Variants in SCUBE1 observed in about 807,000 individuals in gnomAD.
The protein encoded by SCUBE1 is signal peptide, CUB domain and EGF like domain containing 1.
SCUBE1 carries 59 observed loss-of-function variants against 124.4 expected under a neutral mutation model. The observed-to-expected ratio is 0.47, with a 90% confidence interval of 0.38 to 0.59. SCUBE1 has a LOEUF of 0.59. Among genes scored for constraint, SCUBE1 ranks in the 20% least tolerant of loss-of-function variants. SCUBE1 has a pLI of 0.00. For synonymous variants in SCUBE1, 545 were observed against 550.9 expected, an observed-to-expected ratio of 0.99 and a Z score of 0.15; for missense variants, 1,150 against 1,371.2, an observed-to-expected ratio of 0.84 and a Z score of 2.55.
At chr22:43,291,559 GGTGGGCCCCCATCGCGCTGCA>G (rs1925360351) in intron 3 of SCUBE1, among the ~76,000 whole-genome samples, 3 of 151,766 alleles carry the variant, frequency 2.0e-5, no homozygotes, top group South Asian at 2.1e-4. Flanking sequence ...ACAGTGGCAC[GGTGGGCCCCCATCGCGCTGCA>G]CTACAGTGGT....
intron 15 of SCUBE1, among the ~76,000 whole-genome samples, chr22:43,216,075 C>A (rs1921797087): frequency 6.6e-6 from 1 of 151,954 alleles, no homozygotes; most frequent in African/African-American, 2.4e-5. Flanking sequence ...GGGATGGAGT[C>A]TCGCTCTGTC....
At chr22:43,342,532 G>A (rs1927356814) in intron 1 of SCUBE1, among the ~76,000 whole-genome samples, 1 of 149,598 alleles carries the variant, frequency 6.7e-6, no homozygotes, top group African/African-American at 2.5e-5. Flanking sequence ...TTTCTGCGGC[G>A]TCCATCTGTC....
chr22:43,338,440 C>T (rs771169965), intron 2 of SCUBE1, among the ~76,000 whole-genome samples: 11 of 152,188 alleles, frequency 7.2e-5, no homozygotes, highest in Admixed American at 5.2e-4. Context: ...GGGGCAAGCC[C>T]AGGTCTTTGC....
At chr22:43,262,304 A>G (rs1452293917) in intron 5 of SCUBE1, among the ~76,000 whole-genome samples, 1 of 152,144 alleles carries the variant, frequency 6.6e-6, no homozygotes, top group East Asian at 1.9e-4. Context: ...GTCCCGGAAA[A>G]AAGGTCAGCA....
chr22:43,215,860 G>A (rs530425512), intron 15 of SCUBE1, among the ~76,000 whole-genome samples: 13 of 152,224 alleles, frequency 8.5e-5, no homozygotes, highest in Middle Eastern at 6.8e-3. Context: ...AATGGGGTGG[G>A]TGTGTGGGTT....
At chr22:43,290,927 T>C (rs1268290228) in intron 4 of SCUBE1, 119 bp downstream of exon 4, 2 of 1,167,258 alleles carry the variant, frequency 1.7e-6, no homozygotes, top group African/African-American at 3.1e-5. Context: ...TCATTCAGAC[T>C]ACCACCAAAA....
At chr22:43,333,937 G>A (rs1207975310) in intron 2 of SCUBE1, among the ~76,000 whole-genome samples, 1 of 152,216 alleles carries the variant, frequency 6.6e-6, no homozygotes, top group African/African-American at 2.4e-5. Flanking sequence ...CACTCAACAT[G>A]GTGGTGAAGA....
chr22:43,232,715 C>T (rs1922605694), intron 7 of SCUBE1, among the ~76,000 whole-genome samples: 2 of 152,216 alleles, frequency 1.3e-5, no homozygotes, highest in African/African-American at 2.4e-5. Context: ...TGCTTGCACA[C>T]CTCCAGGGAC....
intron 3 of SCUBE1, among the ~76,000 whole-genome samples, chr22:43,306,015 T>G (rs1362582072): frequency 6.6e-6 from 1 of 152,170 alleles, no homozygotes; most frequent in South Asian, 2.1e-4. Flanking sequence ...TAATGGCCAC[T>G]ATAAACAGCT....
intron 4 of SCUBE1, among the ~76,000 whole-genome samples, chr22:43,274,486 G>A (rs969235214): frequency 6.6e-6 from 1 of 152,210 alleles, no homozygotes; most frequent in African/African-American, 2.4e-5. Context: ...AGCTCCTACT[G>A]CCAGAGAGCT....
chr22:43,209,270 C>T (rs895523628), intron 19 of SCUBE1, among the ~76,000 whole-genome samples: 7 of 152,178 alleles, frequency 4.6e-5, no homozygotes, highest in South Asian at 2.1e-4. Context: ...CTCTGGCCAG[C>T]GTCTGTGGGT....
chr22:43,240,700 GC>G (rs1922970381), intron 6 of SCUBE1, among the ~76,000 whole-genome samples: 2 of 152,182 alleles, frequency 1.3e-5, no homozygotes, highest in African/African-American at 4.8e-5. Context: ...GCTTACAAGG[GC>G]CTGGCTTGTT....
intron 4 of SCUBE1, among the ~76,000 whole-genome samples, chr22:43,277,113 G>T (rs73422077): frequency 0.02 from 3,011 of 151,830 alleles, 97 homozygotes; most frequent in African/African-American, 0.07. Context: ...GTTCCACCTG[G>T]GGGATCAGGA....
chr22:43,342,589 C>T (rs1927359149), intron 1 of SCUBE1, among the ~76,000 whole-genome samples: 2 of 151,872 alleles, frequency 1.3e-5, no homozygotes, highest in African/African-American at 4.8e-5. Flanking sequence ...GGGACCATCC[C>T]TCTTGATTCC....
intron 15 of SCUBE1, among the ~76,000 whole-genome samples, chr22:43,214,982 C>A (rs1055686278): frequency 6.6e-6 from 1 of 152,182 alleles, no homozygotes; most frequent in Non-Finnish European, 1.5e-5. Context: ...AGAACCCCCC[C>A]ACCCATAGAT....
At position 43,281,586 on chromosome 22, in the gene SCUBE1, T is replaced by TC. The variant is rs1569011189; in HGVS notation, c.484+9459_484+9460insG. On this transcript the variant is annotated intron_variant, in intron 4 of 21. Coordinates refer to ENST00000360835, the MANE Select transcript of SCUBE1 (RefSeq NM_173050.5). ...CTCAGCCACCCTCCTGTCACCTCCC[T>TC]TCTCAGCCACCCTCCTGTCACCTCC... 4.0e-4 allele frequency among the ~76,000 whole-genome samples: 44 copies of TC among 110,072 alleles called. 4 individuals are homozygous for TC. In the East Asian group the frequency reaches 0.01, roughly 26 times the overall value. The allele number at this position is 110,072 out of a possible 152,430, so 72.2% of individuals were successfully genotyped here.
At chr22:43,273,561 C>CTCTTTTTTTTTTT (rs1924374504) in intron 4 of SCUBE1, among the ~76,000 whole-genome samples, 1 of 60,950 alleles carries the variant, frequency 1.6e-5, no homozygotes, top group Non-Finnish European at 2.9e-5. Flanking sequence ...CTAAAACCCT[C>CTCTTTTTTTTTTT]TTTTTTTTTT....
Position 43,221,206 on chromosome 22 carries a change from G to A in SCUBE1, c.1516C>T (p.Arg506Ter), listed in dbSNP as rs1008768327. Reference sequence around the variant, plus strand: ...GGCTGCCTGGCGGTCTCCTTTGCTCGTGCCTGGCTGTGGGGCCGGAGGTGG... The same window carrying A: ...GGCTGCCTGGCGGTCTCCTTTGCTCATGCCTGGCTGTGGGGCCGGAGGTGG... ...KCHLRPHSQA[R>*]AKETARQPLL... The change falls in exon 13 of 22, where the codon CGA becomes TGA. Residue 506 changes from arginine (R) to a stop codon, truncating the protein, a stop_gained. Transcript: ENST00000360835. LOFTEE classifies it high-confidence loss of function. The A allele has an allele frequency of 6.2e-7, 1 of 1,611,230 alleles. No individual in the cohort carries two copies. Among genetic ancestry groups the A allele is most frequent in the Non-Finnish European group, 8.5e-7 (1 of 1,179,934 alleles).
At chr22:43,327,785 TC>T (rs1375533905) in intron 2 of SCUBE1, among the ~76,000 whole-genome samples, 1 of 152,132 alleles carries the variant, frequency 6.6e-6, no homozygotes, top group Non-Finnish European at 1.5e-5. Flanking sequence ...AGACTCTGTC[TC>T]AAATAAAATA....
Sources: gnomAD v4.1 joint callset for allele counts (sites outside exome capture counted in the v4.1 genomes callset) on GRCh38, gnomAD v4.1.1 for gene constraint, MANE v1.5 for transcripts, NCBI Gene and HGNC (gene_info 2026-07-23, HGNC 2026-07-21) for gene names.